Variants in SP3 observed in about 807,000 individuals in gnomAD.
SP3 encodes the protein transcription factor Sp3.
A neutral mutation model predicts 70.3 loss-of-function variants in SP3; 10 were observed. The ratio of observed to expected loss-of-function variants is 0.14; its 90% confidence interval spans 0.09 to 0.24. The LOEUF is 0.24. Among genes scored for constraint, SP3 ranks in the 10% least tolerant of loss-of-function variants. SP3 has a pLI of 1.00. For missense variants in SP3, 825 were observed against 914.6 expected, an observed-to-expected ratio of 0.90 and a Z score of 1.26; for synonymous variants, 402 against 333.5, an observed-to-expected ratio of 1.21 and a Z score of -2.24.
Position 173,942,767 on chromosome 2 carries a change from A to G in SP3, c.1639+12106T>C, listed in dbSNP as rs141567039. Among the ~76,000 whole-genome samples, 933 of 152,256 alleles carry G rather than the reference A, an allele frequency of 6.1e-3. 10 individuals are homozygous for G. Among genetic ancestry groups the G allele is most frequent in the African/African-American group, 0.021 (870 of 41,526 alleles). On this transcript the variant is annotated intron_variant, in intron 4 of 6. Transcript: ENST00000310015. The stretch of plus-strand genomic sequence containing the variant: ...CACCCTTCCCTAGATTTTCTTCATT[A>G]CTAGCCTAGCCAAACTATCATCTTT...
At chr2:173,949,147 C>T (rs1273863618) in intron 4 of SP3, among the ~76,000 whole-genome samples, 1 of 152,070 alleles carries the variant, frequency 6.6e-6, no homozygotes, top group Admixed American at 6.5e-5. Context: ...ACCACATTTC[C>T]ATCATACACT....
intron 4 of SP3, among the ~76,000 whole-genome samples, chr2:173,942,596 C>T (rs1690405389): frequency 6.6e-6 from 1 of 152,086 alleles, no homozygotes; most frequent in Admixed American, 6.6e-5. Flanking sequence ...TATCTGTATA[C>T]ACTAATGACA....
At chr2:173,960,955 G>A (rs753953767) in intron 3 of SP3, among the ~76,000 whole-genome samples, 15 of 152,122 alleles carry the variant, frequency 9.9e-5, no homozygotes, top group Non-Finnish European at 1.9e-4. Flanking sequence ...CAGTCTGGGC[G>A]ACAGAGTGAG....
chr2:173,901,944 TC>T lies in SP3; in HGVS notation c.*7996del, dbSNP rs1212138489. 6.6e-6 allele frequency among the ~76,000 whole-genome samples: 1 copy of T among 152,126 alleles called. No homozygotes were observed. The highest frequency in any genetic ancestry group is 1.5e-5 in the Non-Finnish European group (1 of 68,024). ...CTCAAGCAATCCGCTCGACTCAGCTTCCCAAAGTGCTGGGACCACAGGCATG... is the reference window on the plus strand; with the variant it reads ...CTCAAGCAATCCGCTCGACTCAGCTTCCAAAGTGCTGGGACCACAGGCATG... On this transcript the variant is annotated 3_prime_UTR_variant, in exon 7 of 7. Transcript: ENST00000310015.
At chr2:173,963,329 T>G (rs1378170748) in intron 3 of SP3, 2 of 152,196 alleles carry the variant, frequency 1.3e-5, no homozygotes, top group Non-Finnish European at 2.9e-5. Context: ...TTTAAAGCAG[T>G]AAGATCCTGT....
chr2:173,903,275 ACT>A lies in SP3; in HGVS notation c.*6664_*6665del, dbSNP rs1689221292. On this transcript the variant is annotated 3_prime_UTR_variant, in exon 7 of 7. Coordinates refer to ENST00000310015, the MANE Select transcript of SP3 (RefSeq NM_003111.5). ...CATTAACTTATTTATCTCCATAATC[ACT>A]CTATGAAGATGACGCTAGCATCATT... Among the ~76,000 whole-genome samples, 1 of 152,208 alleles carries A rather than the reference ACT, an allele frequency of 6.6e-6. No individual in the cohort carries two copies. The highest frequency in any genetic ancestry group is 2.1e-4 in the South Asian group (1 of 4,832).
In SP3 at chr2:173,906,243, T is replaced by C. The variant is rs1574391017; in HGVS notation, c.*3698A>G. Among the ~76,000 whole-genome samples the C allele has an allele frequency of 6.6e-6, 1 of 152,190 alleles. No homozygotes were observed. Among genetic ancestry groups the C allele is most frequent in the Non-Finnish European group, 1.5e-5 (1 of 68,034 alleles). On this transcript the variant is annotated 3_prime_UTR_variant, in exon 7 of 7. Transcript: ENST00000310015. ...ACTTCATGCAGAATTCTCCCTCTTC[T>C]AGGTTTCTACAGTACTTTGTTTCTG...
rs1012714167 is a variant in SP3, at chr2:173,955,785, C to A, written c.727G>T (p.Gly243Cys). ...QVQVQGVAIG[G>C]SSFPGQTQVV... The stretch of plus-strand genomic sequence containing the variant: ...TGGGTTTGACCAGGAAAAGATGAAC[C>A]ACCAATTGCAACTCCCTGAACCTGG... The change falls in exon 4 of 7, where the codon GGT (glycine) becomes TGT (cysteine). Residue 243 changes from glycine (G) to cysteine (C), a missense_variant. Gly to Cys is a radical substitution (Grantham distance 159). Transcript: ENST00000310015. 6.2e-7 allele frequency: 1 copy of A among 1,614,178 alleles called. No individual in the cohort carries two copies. The highest frequency in any genetic ancestry group is 2.2e-5 in the East Asian group (1 of 44,886).
Position 173,956,188 on chromosome 2 carries a change from T to A in SP3, c.324A>T (p.Arg108=), listed in dbSNP as rs766220703. The A allele has an allele frequency of 7.4e-6, 12 of 1,613,668 alleles. No individual in the cohort carries two copies. Among genetic ancestry groups the A allele is most frequent in the Non-Finnish European group, 9.3e-6 (11 of 1,179,812 alleles). ...ASAQLGGAPN[R]WEVLSATPTT... ...TAGGTGTGGCTGACAAAACCTCCCA[T>A]CGGTTTGGTGCTCCTCCTAACTGTG... Residue 108 remains arginine (R), a synonymous_variant, in exon 4 of 7, where the codon CGA becomes CGT. Transcript: ENST00000310015.
At position 173,955,554 on chromosome 2, in the gene SP3, T is replaced by C. The variant is rs1690853628; in HGVS notation, c.958A>G (p.Ile320Val). The C allele has an allele frequency of 3.1e-6, 5 of 1,613,970 alleles. No individual in the cohort carries two copies. Among genetic ancestry groups the C allele is most frequent in the Non-Finnish European group, 3.4e-6 (4 of 1,180,052 alleles). ...ERTGERVSPD[I>V]NETNTDTDLF... ...TCTGTATCAGTATTAGTTTCATTAA[T>C]ATCAGGAGAAACCCGCTCACCAGTC... Residue 320 changes from isoleucine to valine, a missense_variant, in exon 4 of 7, where the codon ATT becomes GTT. By Grantham distance (29) the Ile-to-Val change is conservative (BLOSUM62 3). This residue lies in a region of SP3 where 678 missense variants were observed against 651.6 expected (regional missense o/e 1.04). Transcript: ENST00000310015.
intron 4 of SP3, among the ~76,000 whole-genome samples, chr2:173,921,715 C>G (rs1392504046): frequency 6.6e-6 from 1 of 152,168 alleles, no homozygotes; most frequent in African/African-American, 2.4e-5. Flanking sequence ...GACCCTGACA[C>G]AGTTTAGATA....
At chr2:173,937,104 A>T (rs895384540) in intron 4 of SP3, among the ~76,000 whole-genome samples, 2 of 152,222 alleles carry the variant, frequency 1.3e-5, no homozygotes, top group African/African-American at 4.8e-5. Context: ...ACTTCTACAG[A>T]CAATACAAAA....
intron 4 of SP3, among the ~76,000 whole-genome samples, chr2:173,939,908 A>T (rs987260957): frequency 2.0e-5 from 3 of 152,054 alleles, no homozygotes; most frequent in Admixed American, 6.6e-5. Flanking sequence ...TTTAAGAGAG[A>T]GTCACCCAGG....
intron 4 of SP3, among the ~76,000 whole-genome samples, chr2:173,938,516 T>A (rs997007054): frequency 8.1e-5 from 12 of 147,684 alleles, no homozygotes; most frequent in Non-Finnish European, 1.8e-4. Flanking sequence ...ATTACACATT[T>A]CCACACAAAT....
chr2:173,938,017 CG>C (rs1195702685), intron 4 of SP3, among the ~76,000 whole-genome samples: 1 of 152,140 alleles, frequency 6.6e-6, no homozygotes, highest in Non-Finnish European at 1.5e-5. Flanking sequence ...CTCATATGCA[CG>C]TAAGACTAAA....
At chr2:173,964,334 G>A (rs1383312639) in intron 2 of SP3, 71 bp downstream of exon 2, 16 of 635,686 alleles carry the variant, frequency 2.5e-5, no homozygotes, top group African/African-American at 9.6e-5. Context: ...AGGCGAGGAG[G>A]GAGGGGAGAG....
At chr2:173,953,706 T>G (rs1690786748) in intron 4 of SP3, among the ~76,000 whole-genome samples, 1 of 151,502 alleles carries the variant, frequency 6.6e-6, no homozygotes, top group Non-Finnish European at 1.5e-5. Context: ...AGGCAGAGGT[T>G]GCAGTGAACC....
In SP3 at chr2:173,964,390, T is replaced by C. The variant is rs1461487840; in HGVS notation, c.156+15A>G. On this transcript the variant is annotated intron_variant, in intron 2 of 6. Coordinates refer to ENST00000310015, the MANE Select transcript of SP3 (RefSeq NM_003111.5). ...CGCGAGGGGGGAGCCGGGCCGGGGT[T>C]CAGCCGCTCCTCACCTGGGCCGCCG... 2.9e-6 allele frequency: 2 copies of C among 699,232 alleles called. No individual in the cohort carries two copies. Among genetic ancestry groups the C allele is most frequent in the Non-Finnish European group, 2.6e-6 (1 of 385,614 alleles). The allele number at this position is 699,232 out of a possible 1,614,324, so 43.3% of individuals were successfully genotyped here.
intron 4 of SP3, among the ~76,000 whole-genome samples, chr2:173,951,676 A>G (rs892214436): frequency 2.0e-5 from 3 of 152,170 alleles, no homozygotes; most frequent in African/African-American, 4.8e-5. Flanking sequence ...CTTTCAGCCA[A>G]TTGTGGGTTT....
Sources: allele counts gnomAD v4.1 joint callset (sites outside exome capture counted in the v4.1 genomes callset), GRCh38; gene constraint gnomAD v4.1.1; regional missense constraint gnomAD v4.1.1; transcripts MANE v1.5; gene names NCBI Gene and HGNC (gene_info 2026-07-23, HGNC 2026-07-21).